Variants in ANXA11 observed in about 807,000 individuals in gnomAD.
ANXA11 encodes annexin A11.
ANXA11 carries 57 observed loss-of-function variants against 64.7 expected under a neutral mutation model. The ratio of observed to expected loss-of-function variants is 0.88; its 90% CI spans 0.71 to 1.10. The LOEUF (loss-of-function observed/expected upper bound fraction) is 1.10. ANXA11 is among the 50% of genes least tolerant of loss of function. The pLI is 0.00. For missense variants in ANXA11, 675 were observed against 670.7 expected, an observed-to-expected ratio of 1.01 and a Z score of -0.07; for synonymous variants, 260 against 265.2, an observed-to-expected ratio of 0.98 and a Z score of 0.19.
At position 80,161,915 on chromosome 10, in the gene ANXA11, G is replaced by A. The variant is rs1212650713; in HGVS notation, c.1180+20C>T. On this transcript the variant is annotated intron_variant, in intron 12 of 15. Coordinates refer to ENST00000422982, the MANE Select transcript of ANXA11 (RefSeq NM_145868.2). ...CTGCCCTCATCTAACTGGCCTCTGA[G>A]GGACCCCAGCCTGCCTTACCTGCTA... 7 of 1,605,088 alleles carry A rather than the reference G, an allele frequency of 4.4e-6. No homozygotes were observed. In the South Asian group the frequency reaches 6.6e-5, roughly 15 times the overall value.
intron 1 of ANXA11, among the ~76,000 whole-genome samples, chr10:80,187,832 C>T (rs764592681): frequency 6.6e-6 from 1 of 152,098 alleles, no homozygotes; most frequent in Non-Finnish European, 1.5e-5. Context: ...TCAATCCCAC[C>T]CCTCTTAGCT....
intron 8 of ANXA11, among the ~76,000 whole-genome samples, chr10:80,165,726 T>C (rs1845692233): frequency 6.6e-6 from 1 of 152,172 alleles, no homozygotes; most frequent in Admixed American, 6.5e-5. Flanking sequence ...AACAGAGTCC[T>C]AAAGAATGAG....
chr10:80,195,020 A>C (rs983837073), intron 1 of ANXA11, among the ~76,000 whole-genome samples: 3 of 152,084 alleles, frequency 2.0e-5, no homozygotes, highest in Admixed American at 2.0e-4. Flanking sequence ...GCCGGCACAG[A>C]CCCGTCTCTC....
At chr10:80,191,635 G>A (rs1417649899) in intron 1 of ANXA11, among the ~76,000 whole-genome samples, 3 of 151,944 alleles carry the variant, frequency 2.0e-5, no homozygotes, top group South Asian at 2.1e-4. Context: ...CCAGGTGCTC[G>A]CCTCTCCCAT....
At chr10:80,194,893 C>T (rs998887121) in intron 1 of ANXA11, among the ~76,000 whole-genome samples, 17 of 152,228 alleles carry the variant, frequency 1.1e-4, no homozygotes, top group African/African-American at 4.1e-4. Flanking sequence ...CACCTCCCTC[C>T]CTCCTTCAGC....
intron 12 of ANXA11, among the ~76,000 whole-genome samples, chr10:80,160,972 A>G (rs1589416775): frequency 6.6e-6 from 1 of 151,428 alleles, no homozygotes; most frequent in South Asian, 2.1e-4. Flanking sequence ...ACACCTCCTC[A>G]CCACAAGCCC....
intron 9 of ANXA11, 106 bp downstream of exon 9, chr10:80,163,947 A>G (rs1845623479): frequency 1.1e-6 from 1 of 943,762 alleles, no homozygotes; most frequent in Non-Finnish European, 1.6e-6. Flanking sequence ...GGTTGATAAG[A>G]AGGCCAGGAA....
At chr10:80,179,342 C>G (rs1180360594) in intron 1 of ANXA11, among the ~76,000 whole-genome samples, 2 of 152,254 alleles carry the variant, frequency 1.3e-5, no homozygotes, top group African/African-American at 4.8e-5. Flanking sequence ...GGTACCTTGG[C>G]TCCCATATTC....
intron 7 of ANXA11, 147 bp downstream of exon 7, chr10:80,166,743 C>T: frequency 1.5e-6 from 1 of 667,412 alleles, no homozygotes; most frequent in South Asian, 1.8e-5. Context: ...ACGATGCCAC[C>T]AGCTGGATGG....
At chr10:80,173,549 C>T (rs952444375) in intron 2 of ANXA11, among the ~76,000 whole-genome samples, 1 of 152,146 alleles carries the variant, frequency 6.6e-6, no homozygotes, top group African/African-American at 2.4e-5. Context: ...GGAGGAAGAG[C>T]AGCCTGGACA....
At position 80,170,813 on chromosome 10, in the gene ANXA11, T is replaced by C. The variant is rs766285457; in HGVS notation, c.158A>G (p.Tyr53Cys). 19 of 1,483,702 alleles carry C rather than the reference T, an allele frequency of 1.3e-5. No homozygotes were observed. The highest frequency in any genetic ancestry group is 1.7e-5 in the Non-Finnish European group (19 of 1,116,402). 91.9% of individuals were successfully genotyped at this position (1,483,702 alleles called of 1,614,324 possible). A position where few individuals can be genotyped will look rare whatever the true frequency, so the allele number is the denominator to read the frequency against. The change falls in exon 4 of 16, where the codon TAT (tyrosine) becomes TGT (cysteine). Residue 53 changes from tyrosine to cysteine, a missense_variant. Transcript: ENST00000422982. ...ATYAGQFNQDYLSGMAANMSG... is the reference protein window; with the variant it reads ...ATYAGQFNQDCLSGMAANMSG... ...AGCTGGACTCACCATTCCCGAGAGA[T>C]AGTCCTGGTTGAACTGCCCCGCATA...
chr10:80,156,865 C>T (rs2132355232), intron 15 of ANXA11: 2 of 350,592 alleles, frequency 5.7e-6, no homozygotes, highest in Non-Finnish European at 8.0e-6. Flanking sequence ...CAGTGAGTTT[C>T]CTGTGATGAC....
chr10:80,184,623 C>T (rs2573354), intron 1 of ANXA11, among the ~76,000 whole-genome samples: 9,595 of 152,146 alleles, frequency 0.063, 306 homozygotes, highest in Middle Eastern at 0.099. Flanking sequence ...AACTATAATA[C>T]AGCTGGGACT....
chr10:80,165,025 C>T (rs1409322494), intron 8 of ANXA11, among the ~76,000 whole-genome samples: 3 of 152,212 alleles, frequency 2.0e-5, no homozygotes, highest in Admixed American at 6.5e-5. Flanking sequence ...TGACAGCTGC[C>T]CCAAACCTGT....
chr10:80,167,560 C>T (rs565648786), intron 5 of ANXA11, among the ~76,000 whole-genome samples: 4 of 152,290 alleles, frequency 2.6e-5, no homozygotes, highest in Non-Finnish European at 4.4e-5. Flanking sequence ...ATAGCTGAGT[C>T]CTGATGCTGA....
chr10:80,157,067 C>T (rs1165581575), intron 15 of ANXA11: 1 of 983,444 alleles, frequency 1.0e-6, no homozygotes, highest in Non-Finnish European at 1.2e-6. Context: ...ACCTGCACTG[C>T]CTCACTCAAT....
intron 2 of ANXA11, among the ~76,000 whole-genome samples, chr10:80,174,167 G>A (rs770914946): frequency 1.8e-4 from 27 of 152,034 alleles, no homozygotes; most frequent in African/African-American, 5.8e-4. Flanking sequence ...TAATCCTCCC[G>A]CCTCAGCCTC....
intron 5 of ANXA11, among the ~76,000 whole-genome samples, chr10:80,168,462 G>A (rs1458969826): frequency 1.3e-5 from 2 of 152,174 alleles, no homozygotes; most frequent in Admixed American, 6.5e-5. Context: ...GCTCCCTTGG[G>A]CCTTAAGCAA....
In ANXA11 at chr10:80,161,904, C is replaced by T. The variant is rs756835280; in HGVS notation, c.1180+31G>A. 10 of 1,581,152 alleles carry T rather than the reference C, an allele frequency of 6.3e-6. No individual in the cohort carries two copies. In the East Asian group the frequency reaches 2.2e-4, roughly 35 times the overall value. The stretch of plus-strand genomic sequence containing the variant: ...CAATCCCCTGACTGCCCTCATCTAA[C>T]TGGCCTCTGAGGGACCCCAGCCTGC... On this transcript the variant is annotated intron_variant, in intron 12 of 15. Coordinates refer to ENST00000422982, the MANE Select transcript of ANXA11 (RefSeq NM_145868.2).
Sources: allele counts gnomAD v4.1 joint callset (sites outside exome capture counted in the v4.1 genomes callset), GRCh38; gene constraint gnomAD v4.1.1; transcripts MANE v1.5; gene names NCBI Gene and HGNC (gene_info 2026-07-23, HGNC 2026-07-21).